Variants in SMIM36 observed in about 807,000 individuals in gnomAD.
SMIM36 encodes the protein small integral membrane protein 36.
At chr17:55,490,270 G>T (rs1186820787) in intron 1 of SMIM36, among the ~76,000 whole-genome samples, 1 of 152,122 alleles carries the variant, frequency 6.6e-6, no homozygotes, top group African/African-American at 2.4e-5. Context: ...TGGGGTCCTG[G>T]GTTCTGGCAC....
chr17:55,464,498 A>T (rs1018353029), intron 4 of SMIM36, among the ~76,000 whole-genome samples: 14 of 144,330 alleles, frequency 9.7e-5, no homozygotes, highest in African/African-American at 3.5e-4. Flanking sequence ...AAACAAAATT[A>T]AAAAAAAAAA....
chr17:55,469,514 G>C (rs537285330), intron 3 of SMIM36, among the ~76,000 whole-genome samples: 25 of 152,226 alleles, frequency 1.6e-4, no homozygotes, highest in Admixed American at 1.0e-3. Context: ...CCTGACATTA[G>C]AAAAAGCTCC....
intron 1 of SMIM36, among the ~76,000 whole-genome samples, chr17:55,480,962 T>TCATAGTAAAAAA (rs1275252929): frequency 6.6e-6 from 1 of 152,228 alleles, no homozygotes; most frequent in East Asian, 1.9e-4. Flanking sequence ...AATTTAGCTG[T>TCATAGTAAAAAA]CTTACAGTCA....
chr17:55,523,583 A>G, the SMIM36 span, among the ~76,000 whole-genome samples: 1 of 151,932 alleles, frequency 6.6e-6, no homozygotes, highest in Non-Finnish European at 1.5e-5. Flanking sequence ...AGCTATAGAC[A>G]AGCCAAGGAG....
intron 1 of SMIM36, 65 bp downstream of exon 1, chr17:55,510,814 T>C (rs773531756): frequency 6.8e-6 from 2 of 295,178 alleles, no homozygotes; most frequent in Non-Finnish European, 6.2e-6. Context: ...AACTTCATTA[T>C]ACTACAGCAT....
intron 1 of SMIM36, among the ~76,000 whole-genome samples, chr17:55,508,928 C>CAAAAAAAAAAAAA (rs35834283): frequency 2.1e-5 from 2 of 97,046 alleles, no homozygotes; most frequent in Non-Finnish European, 4.2e-5. Context: ...TGTCTCAGAA[C>CAAAAAAAAAAAAA]AAAAAAAAAA....
intron 3 of SMIM36, among the ~76,000 whole-genome samples, chr17:55,478,058 T>C (rs998317060): frequency 6.6e-6 from 1 of 152,112 alleles, no homozygotes; most frequent in South Asian, 2.1e-4. Context: ...TAGCTGGGTA[T>C]GATGGTATGC....
upstream of SMIM36, among the ~76,000 whole-genome samples, chr17:55,515,074 T>C (rs1490542510): frequency 1.4e-5 from 2 of 141,046 alleles, no homozygotes; most frequent in African/African-American, 5.1e-5. Flanking sequence ...TGTTTTTGAA[T>C]TCTAGTCTAG....
chr17:55,507,804 C>T (rs969610706), intron 1 of SMIM36, among the ~76,000 whole-genome samples: 2 of 152,062 alleles, frequency 1.3e-5, no homozygotes, highest in Non-Finnish European at 2.9e-5. Context: ...CTCTTCCGAA[C>T]TGCAATTCTC....
chr17:55,474,054 A>G (rs1909385119), intron 3 of SMIM36, among the ~76,000 whole-genome samples: 1 of 151,982 alleles, frequency 6.6e-6, no homozygotes, highest in Admixed American at 6.6e-5. Context: ...TGCTCAATCA[A>G]TCACGACCCT....
the SMIM36 span, among the ~76,000 whole-genome samples, chr17:55,522,522 T>A: frequency 6.6e-6 from 1 of 151,798 alleles, no homozygotes; most frequent in African/African-American, 2.4e-5. Flanking sequence ...GGCAAGAGAG[T>A]TTGTGCAGGG....
intron 1 of SMIM36, among the ~76,000 whole-genome samples, chr17:55,490,157 C>T (rs942801299): frequency 3.9e-5 from 6 of 152,088 alleles, no homozygotes; most frequent in Non-Finnish European, 7.4e-5. Context: ...GCCTGGCCAT[C>T]GATGCGTATT....
intron 1 of SMIM36, among the ~76,000 whole-genome samples, chr17:55,484,541 A>C (rs1032899896): frequency 6.6e-6 from 1 of 152,246 alleles, no homozygotes; most frequent in Non-Finnish European, 1.5e-5. Context: ...CACACATTAT[A>C]AACCTCCCAG....
At chr17:55,478,529 C>T (rs1909465065) in intron 3 of SMIM36, among the ~76,000 whole-genome samples, 1 of 152,062 alleles carries the variant, frequency 6.6e-6, no homozygotes, top group South Asian at 2.1e-4. Context: ...CACACCTGGC[C>T]TATTCCTTAG....
the SMIM36 span, among the ~76,000 whole-genome samples, chr17:55,523,545 A>AC: frequency 6.6e-6 from 1 of 151,894 alleles, no homozygotes. Context: ...AAAAAAAAAA[A>AC]AAACATGTGA....
chr17:55,450,641 A>C (rs1249009063), intron 4 of SMIM36, among the ~76,000 whole-genome samples: 2 of 152,182 alleles, frequency 1.3e-5, no homozygotes, highest in Non-Finnish European at 2.9e-5. Flanking sequence ...ACCCGGGTGC[A>C]ATACCCAGAT....
At chr17:55,458,012 C>G (rs937396338) in intron 4 of SMIM36, among the ~76,000 whole-genome samples, 2 of 152,070 alleles carry the variant, frequency 1.3e-5, no homozygotes, top group Non-Finnish European at 2.9e-5. Context: ...ATGTGCTCTC[C>G]GCTTTTAGAG....
At chr17:55,501,578 AT>A (rs1270081210) in intron 1 of SMIM36, among the ~76,000 whole-genome samples, 1 of 129,772 alleles carries the variant, frequency 7.7e-6, no homozygotes, top group African/African-American at 2.9e-5. Flanking sequence ...TAATAATTAT[AT>A]ATTCACTGGT....
intron 1 of SMIM36, among the ~76,000 whole-genome samples, chr17:55,498,455 GGTC>G (rs1909847447): frequency 6.6e-6 from 1 of 152,146 alleles, no homozygotes; most frequent in Non-Finnish European, 1.5e-5. Flanking sequence ...CTAGCCAGCA[GGTC>G]ATGAAGTCCT....
Sources: allele counts gnomAD v4.1 joint callset (sites outside exome capture counted in the v4.1 genomes callset), GRCh38; gene constraint gnomAD v4.1.1; transcripts MANE v1.5; gene names NCBI Gene and HGNC (gene_info 2026-07-23, HGNC 2026-07-21).